The following PPIA variants were observed in gnomAD, a reference collection of about 807,000 sequenced individuals.
PPIA encodes peptidyl-prolyl cis-trans isomerase A.
A neutral mutation model predicts 15.3 loss-of-function variants in PPIA; 2 were observed. The observed-to-expected ratio is 0.13, with a 90% CI of 0.05 to 0.41. The LOEUF is 0.41. Among genes scored for constraint, PPIA ranks in the 10% least tolerant of loss-of-function variants. PPIA has a pLI of 0.99. For missense variants in PPIA, 103 were observed against 210.3 expected (o/e 0.49, Z 3.16); for synonymous variants, 67 against 73.1 (o/e 0.92, Z 0.43).
chr7:44,797,731 AATATTGAGTACGATTCCGTTCCAGTTAAC>A (rs1792423755), intron 1 of PPIA, among the ~76,000 whole-genome samples: 1 of 152,246 alleles, frequency 6.6e-6, no homozygotes, highest in Non-Finnish European at 1.5e-5. Flanking sequence ...TTCAAAGTTA[AATATTGAGTACGATTCCGTTCCAGTTAAC>A]ATGGATAGAC....
chr7:44,800,147 G>C (rs894526380), intron 4 of PPIA: 1 of 449,916 alleles, frequency 2.2e-6, no homozygotes, highest in African/African-American at 2.0e-5. Context: ...GGAGTGCAGT[G>C]GCACAATCTG....
In PPIA at chr7:44,796,737, A is replaced by G. The variant is rs1417033179; in HGVS notation, c.13A>G (p.Thr5Ala). ...TGTACTATTAGCCATGGTCAACCCC[A>G]CCGTGTTCTTCGACATTGCCGTCGA... MVNP[T>A]VFFDIAVDGE... The change falls in exon 1 of 5, where the codon ACC becomes GCC. Residue 5 changes from threonine to alanine, a missense_variant. Thr to Ala is a moderately conservative substitution (Grantham distance 58). Coordinates refer to ENST00000468812, the MANE Select transcript of PPIA (RefSeq NM_021130.5). The G allele has an allele frequency of 6.2e-7, 1 of 1,610,008 alleles. No homozygotes were observed.
In PPIA at chr7:44,796,681, G is replaced by A. The variant is rs776617362; in HGVS notation, c.-44G>A. 5.6e-6 allele frequency: 9 copies of A among 1,595,870 alleles called. No individual in the cohort carries two copies. In the East Asian group the frequency reaches 9.0e-5, roughly 16 times the overall value. Reference sequence around the variant, plus strand: ...AGGGGCGGGAGGCCAGGCTCGTGCCGTTTTGCAGACGCCACCGCCGAGGAA... The same window carrying A: ...AGGGGCGGGAGGCCAGGCTCGTGCCATTTTGCAGACGCCACCGCCGAGGAA... On this transcript the variant is annotated 5_prime_UTR_variant, in exon 1 of 5. Coordinates refer to ENST00000468812, the MANE Select transcript of PPIA (RefSeq NM_021130.5).
intron 1 of PPIA, among the ~76,000 whole-genome samples, chr7:44,797,716 G>C (rs1283963219): frequency 6.6e-6 from 1 of 152,202 alleles, no homozygotes; most frequent in African/African-American, 2.4e-5. Flanking sequence ...AACTTGGCGC[G>C]TGTCTTCAAA....
At position 44,802,822 on chromosome 7, in the gene PPIA, A is replaced by G. The variant is rs6904; in HGVS notation, c.*1400A>G. 98,805 of 152,084 alleles carry G rather than the reference A, an allele frequency of 0.65. 36,084 individuals are homozygous for G. The highest frequency in any genetic ancestry group is 0.83 in the Non-Finnish European group (56,387 of 68,016). The allele number at this position is 152,084 out of a possible 1,614,324, so 9.4% of individuals were successfully genotyped here. ...TTGCTGGCAGTTAGATGTCAGGACA[A>G]TCTAAGCTGAGAAAACCCCTTCTCT... On this transcript the variant is annotated 3_prime_UTR_variant, in exon 5 of 5. Coordinates refer to ENST00000468812, the MANE Select transcript of PPIA (RefSeq NM_021130.5).
intron 4 of PPIA, among the ~76,000 whole-genome samples, chr7:44,800,956 T>C (rs562886289): frequency 6.6e-6 from 1 of 152,256 alleles, no homozygotes. Context: ...TAGCTGGGAC[T>C]ATAGGCACAC....
intron 4 of PPIA, among the ~76,000 whole-genome samples, chr7:44,800,911 A>G (rs1036199049): frequency 7.2e-5 from 11 of 151,820 alleles, no homozygotes; most frequent in Non-Finnish European, 1.5e-4. Flanking sequence ...TCCGCCTCCC[A>G]GGTTCACGCC....
At position 44,801,277 on chromosome 7, in the gene PPIA, C is replaced by G. The variant is rs777317491; in HGVS notation, c.363-10C>G. 2 of 1,611,396 alleles carry G rather than the reference C, an allele frequency of 1.2e-6. No homozygotes were observed. Among genetic ancestry groups the G allele is most frequent in the South Asian group, 2.2e-5 (2 of 91,016 alleles). On this transcript the variant is annotated splice_polypyrimidine_tract_variant and intron_variant, in intron 4 of 4. Coordinates refer to ENST00000468812, the MANE Select transcript of PPIA (RefSeq NM_021130.5). ...GTTGCCAGTCATAGTGATTGTTCTT[C>G]CTTTTCAAGGTTGGATGGCAAGCAT... is the stretch of plus-strand genomic sequence containing the variant.
In PPIA at chr7:44,799,260, A is replaced by G; in HGVS notation, c.83A>G (p.Lys28Arg). ...TTTCTCTTACAGCTGTTTGCAGACA[A>G]GGTCCCAAAGACAGCAGGTTGGTCC... ...GRVSFELFAD[K>R]VPKTAENFRA... is the part of the protein sequence containing the mutation. The change falls in exon 2 of 5, where the codon AAG becomes AGG. Residue 28 changes from lysine (K) to arginine (R), a missense_variant. Physicochemically the swap from Lys to Arg is conservative, Grantham distance 26 (BLOSUM62 2). Transcript: ENST00000468812. 6.2e-7 allele frequency: 1 copy of G among 1,613,726 alleles called. No homozygotes were observed. The highest frequency in any genetic ancestry group is 1.1e-5 in the South Asian group (1 of 90,868).
Position 44,796,787 on chromosome 7 carries a change from C to G in PPIA, c.63C>G (p.Ser21=), listed in dbSNP as rs1446885004. The change falls in exon 1 of 5, where the codon TCC becomes TCG. Residue 21 remains serine, a synonymous_variant. Transcript: ENST00000468812. The part of the protein sequence containing the change: ...AVDGEPLGRV[S]FELFADKVPK... Reference sequence around the variant, plus strand: ...ACGGCGAGCCCTTGGGCCGCGTCTCCTTTGAGGTCGGGCGGGCGGCGGCGT... The same window carrying G: ...ACGGCGAGCCCTTGGGCCGCGTCTCGTTTGAGGTCGGGCGGGCGGCGGCGT... 2 of 1,606,346 alleles carry G rather than the reference C, an allele frequency of 1.2e-6. No homozygotes were observed. The highest frequency in any genetic ancestry group is 1.7e-6 in the Non-Finnish European group (2 of 1,177,076).
At position 44,796,685 on chromosome 7, in the gene PPIA, T is replaced by C. The variant is rs769818376; in HGVS notation, c.-40T>C. 4 of 1,599,498 alleles carry C rather than the reference T, an allele frequency of 2.5e-6. No homozygotes were observed. Among genetic ancestry groups the C allele is most frequent in the East Asian group, 2.2e-5 (1 of 44,478 alleles). ...GCGGGAGGCCAGGCTCGTGCCGTTT[T>C]GCAGACGCCACCGCCGAGGAAAACC... On this transcript the variant is annotated 5_prime_UTR_variant, in exon 1 of 5. Transcript: ENST00000468812.
Position 44,799,729 on chromosome 7 carries a change from A to G in PPIA, c.217A>G (p.Thr73Ala). The G allele has an allele frequency of 6.2e-7, 1 of 1,614,014 alleles. No individual in the cohort carries two copies. Among genetic ancestry groups the G allele is most frequent in the Non-Finnish European group, 8.5e-7 (1 of 1,179,908 alleles). Residue 73 changes from threonine (T) to alanine (A), a missense_variant, in exon 4 of 5, where the codon ACT (threonine) becomes GCT (alanine). By Grantham distance (58) the Thr-to-Ala change is moderately conservative. Coordinates refer to ENST00000468812, the MANE Select transcript of PPIA (RefSeq NM_021130.5). ...QGGDFTRHNG[T>A]GGKSIYGEKF... ...TGGTGACTTCACACGCCATAATGGC[A>G]CTGGTGGCAAGTCCATCTATGGGGA...
At chr7:44,799,115 C>T in intron 1 of PPIA, 132 bp from the exon 2 acceptor site, 1 of 1,204,034 alleles carries the variant, frequency 8.3e-7, no homozygotes, top group Non-Finnish European at 1.2e-6. Context: ...AGGAGCAGTT[C>T]TTGGGAATTA....
Position 44,799,317 on chromosome 7 carries a change from G to A in PPIA, c.100+40G>A, listed in dbSNP as rs375203095. The A allele has an allele frequency of 3.6e-5, 58 of 1,610,654 alleles. No individual in the cohort carries two copies. The African/African-American group carries it at 7.1e-4, about 20-fold the overall frequency. On this transcript the variant is annotated intron_variant, in intron 2 of 4. Transcript: ENST00000468812. Reference sequence around the variant, plus strand: ...TAAGTTTAACAAAGATGTTCCAATTGTGACAGTTTGTGTGTGTGTGTGTAT... The same window carrying A: ...TAAGTTTAACAAAGATGTTCCAATTATGACAGTTTGTGTGTGTGTGTGTAT...
intron 4 of PPIA, 54 bp downstream of exon 4, chr7:44,799,928 G>A: frequency 6.4e-7 from 1 of 1,561,732 alleles, no homozygotes; most frequent in Non-Finnish European, 8.7e-7. Context: ...AGTTGCCCTG[G>A]GGGGAACGGA....
chr7:44,801,198 A>G, intron 4 of PPIA, 89 bp from the exon 5 acceptor site: 1 of 1,404,236 alleles, frequency 7.1e-7, no homozygotes, highest in South Asian at 1.3e-5. Flanking sequence ...AAAAAAAAAA[A>G]AAAAGCTACC....
In PPIA at chr7:44,801,449, C is replaced by G. The variant is rs1156444464; in HGVS notation, c.*27C>G. On this transcript the variant is annotated 3_prime_UTR_variant, in exon 5 of 5. Coordinates refer to ENST00000468812, the MANE Select transcript of PPIA (RefSeq NM_021130.5). ...TTTGACTTGTGTTTTATCTTAACCA[C>G]CAGATCATTCCTTCTGTAGCTCAGG... 6.7e-6 allele frequency: 10 copies of G among 1,487,106 alleles called. No individual in the cohort carries two copies. In the Admixed American group the frequency reaches 6.7e-5, roughly 10 times the overall value. The allele number at this position is 1,487,106 out of a possible 1,614,324, so 92.1% of individuals were successfully genotyped here.
rs1026996085 is a variant in PPIA, at chr7:44,801,522, G to C, written c.*100G>C. 1 of 736,244 alleles carries C rather than the reference G, an allele frequency of 1.4e-6. No individual in the cohort carries two copies. The allele number at this position is 736,244 out of a possible 1,614,324, so 45.6% of individuals were successfully genotyped here. ...GCTCGCAGTATCCTAGAATCTTTGTGCTCTCGCTGCAGTTCCCTTTGGGTT... is the reference window on the plus strand; with the variant it reads ...GCTCGCAGTATCCTAGAATCTTTGTCCTCTCGCTGCAGTTCCCTTTGGGTT... On this transcript the variant is annotated 3_prime_UTR_variant, in exon 5 of 5. Coordinates refer to ENST00000468812, the MANE Select transcript of PPIA (RefSeq NM_021130.5).
Position 44,803,062 on chromosome 7 carries a change from C to T in PPIA, c.*1640C>T, listed in dbSNP as rs1792612440. On this transcript the variant is annotated 3_prime_UTR_variant, in exon 5 of 5. Transcript: ENST00000468812. ...TGATACCATTCAATGTCTTAATGTA[C>T]TTGTGGCTCAGACCTGAGTGCAAGG... 6.6e-6 allele frequency: 1 copy of T among 152,204 alleles called. No homozygotes were observed. The allele number at this position is 152,204 out of a possible 1,614,324, so 9.4% of individuals were successfully genotyped here.
Sources: allele counts gnomAD v4.1 joint callset (sites outside exome capture counted in the v4.1 genomes callset), GRCh38; gene constraint gnomAD v4.1.1; transcripts MANE v1.5; gene names NCBI Gene and HGNC (gene_info 2026-07-23, HGNC 2026-07-21).